The following PLXNA4 variants were observed in gnomAD, a reference collection of about 807,000 sequenced individuals.
PLXNA4 encodes the protein plexin A4.
In PLXNA4, 44 loss-of-function variants were observed where a neutral mutation model predicts 191.8. The observed-to-expected ratio is 0.23, with a 90% CI of 0.18 to 0.29. PLXNA4 has a LOEUF of 0.29. Ranked by LOEUF, PLXNA4 falls within the 10% of genes least tolerant of loss-of-function variation. The pLI is 1.00. For missense variants in PLXNA4, 1,800 were observed against 2,488.8 expected (o/e 0.72, Z 5.89); for synonymous variants, 1,082 against 1,009.5 (o/e 1.07, Z -1.36).
upstream of PLXNA4, chr7:132,576,536 T>C (rs1413023768): frequency 5.1e-6 from 5 of 985,842 alleles, no homozygotes; most frequent in African/African-American, 8.7e-5. This position sits in a 1 kb window ranked among gnomAD's most constrained non-coding sequence, Gnocchi z 5.8. Flanking sequence ...CGCGTGTGGC[T>C]GCCTCCTCCA....
chr7:132,268,462 C>T (rs1799936329), intron 4 of PLXNA4, among the ~76,000 whole-genome samples: 1 of 152,166 alleles, frequency 6.6e-6, no homozygotes, highest in African/African-American at 2.4e-5. Context: ...TCCAGTTTCA[C>T]CATGAGTTTG....
intron 9 of PLXNA4, among the ~76,000 whole-genome samples, chr7:132,211,344 T>C (rs1797794608): frequency 6.6e-6 from 1 of 152,210 alleles, no homozygotes; most frequent in Non-Finnish European, 1.5e-5. Context: ...CCTAGTGTCA[T>C]ATCTTGAGGT....
At chr7:132,164,534 C>T (rs1796042455) in intron 23 of PLXNA4, among the ~76,000 whole-genome samples, 1 of 152,178 alleles carries the variant, frequency 6.6e-6, no homozygotes, top group Admixed American at 6.5e-5. Flanking sequence ...CCTACTGCCG[C>T]CTCTCCAGGG....
Position 132,368,974 on chromosome 7 carries a change from C to CT in PLXNA4, c.1372-70753dup, listed in dbSNP as rs961948099. On this transcript the variant is annotated intron_variant, in intron 3 of 31. Coordinates refer to ENST00000321063, the MANE Select transcript of PLXNA4 (RefSeq NM_020911.2). ...CTGAAGGGGCTTCCCCTGCAGTCCTCTTTTCCATCCACCCTCCCCTAATTC... is the reference window on the plus strand; with the variant it reads ...CTGAAGGGGCTTCCCCTGCAGTCCTCTTTTTCCATCCACCCTCCCCTAATTC... Among the ~76,000 whole-genome samples, 35 of 152,338 alleles carry CT rather than the reference C, an allele frequency of 2.3e-4. 1 individual carries two copies. The highest frequency in any genetic ancestry group is 6.5e-4 in the African/African-American group (27 of 41,566).
At chr7:132,477,243 C>G (rs1383888468) in intron 3 of PLXNA4, among the ~76,000 whole-genome samples, 1 of 152,206 alleles carries the variant, frequency 6.6e-6, no homozygotes, top group Non-Finnish European at 1.5e-5. Context: ...TCTCCCACCT[C>G]CCTGCATACA....
chr7:132,286,581 CCCTGCTCTA>C (rs1421332950), intron 4 of PLXNA4, among the ~76,000 whole-genome samples: 1 of 152,134 alleles, frequency 6.6e-6, no homozygotes, highest in African/African-American at 2.4e-5. Context: ...CCTCACCCAC[CCCTGCTCTA>C]CCTCCACATC....
At chr7:132,181,998 G>T in intron 17 of PLXNA4, 99 bp downstream of exon 17, 1 of 1,574,588 alleles carries the variant, frequency 6.4e-7, no homozygotes, top group South Asian at 1.2e-5. Flanking sequence ...TCAGTGTATG[G>T]GCAGGGAGTT....
chr7:132,452,960 A>T (rs1269614737), intron 3 of PLXNA4, among the ~76,000 whole-genome samples: 1 of 152,090 alleles, frequency 6.6e-6, no homozygotes. Flanking sequence ...GAAGATGAGG[A>T]TGGCAGTGGC....
intron 13 of PLXNA4, among the ~76,000 whole-genome samples, chr7:132,198,228 C>T (rs922728406): frequency 6.6e-6 from 1 of 152,168 alleles, no homozygotes; most frequent in Non-Finnish European, 1.5e-5. Flanking sequence ...CGGCCTTATG[C>T]CCCAAGTAGG....
chr7:132,462,930 A>T lies in PLXNA4; in HGVS notation c.1371+26362T>A, dbSNP rs907495629. Among the ~76,000 whole-genome samples the T allele has an allele frequency of 3.4e-5, 5 of 146,600 alleles. No homozygotes were observed. The Admixed American group carries it at 3.5e-4, about 10-fold the overall frequency. The stretch of plus-strand genomic sequence containing the variant: ...AATGGTGCAATCTTGGCTCACTGCA[A>T]CCTCTGCCTGTCAGGTTCAAGTGAT... On this transcript the variant is annotated intron_variant, in intron 3 of 31. Transcript: ENST00000321063.
chr7:132,499,619 C>T (rs1468313254), intron 2 of PLXNA4, among the ~76,000 whole-genome samples: 2 of 152,134 alleles, frequency 1.3e-5, no homozygotes, highest in African/African-American at 4.8e-5. Context: ...TGAGAAATAC[C>T]ATGATGATTA....
chr7:132,302,925 G>T (rs1030848057), intron 3 of PLXNA4, among the ~76,000 whole-genome samples: 3 of 152,092 alleles, frequency 2.0e-5, no homozygotes, highest in Non-Finnish European at 2.9e-5. Flanking sequence ...TGCCCAGGCT[G>T]GAGTGCAATG....
intron 24 of PLXNA4, among the ~76,000 whole-genome samples, chr7:132,160,421 T>G (rs1042413617): frequency 2.0e-5 from 3 of 152,212 alleles, no homozygotes; most frequent in Admixed American, 6.5e-5. Flanking sequence ...TCTTTTTATT[T>G]TTTTTCCTTT....
chr7:132,600,105 T>C (rs755780214), intron 2 of PLXNA4, among the ~76,000 whole-genome samples: 2 of 152,238 alleles, frequency 1.3e-5, no homozygotes, highest in Non-Finnish European at 2.9e-5. Context: ...TTTGTACTTA[T>C]CATAAGTGAA....
intron 3 of PLXNA4, among the ~76,000 whole-genome samples, chr7:132,464,051 G>A (rs942919341): frequency 6.6e-6 from 1 of 152,204 alleles, no homozygotes. Flanking sequence ...GGAGTGGAGA[G>A]CTTACCTCTG....
At chr7:132,469,771 G>A (rs1796864216) in intron 3 of PLXNA4, among the ~76,000 whole-genome samples, 1 of 152,178 alleles carries the variant, frequency 6.6e-6, no homozygotes, top group Non-Finnish European at 1.5e-5. Flanking sequence ...ATCACATACT[G>A]CCTAAAATCA....
chr7:132,329,735 G>C (rs1802516046), intron 3 of PLXNA4, among the ~76,000 whole-genome samples: 1 of 152,168 alleles, frequency 6.6e-6, no homozygotes, highest in African/African-American at 2.4e-5. Context: ...GTCTCTGGGG[G>C]CCCTCAGGAA....
intron 3 of PLXNA4, among the ~76,000 whole-genome samples, chr7:132,337,174 A>G (rs1193738766): frequency 3.3e-5 from 5 of 152,274 alleles, no homozygotes; most frequent in Non-Finnish European, 5.9e-5. Context: ...CCAACATTCA[A>G]TAATTTCTCC....
intron 1 of PLXNA4, among the ~76,000 whole-genome samples, chr7:132,561,614 CTCCTCCTCCTCT>C (rs1801085421): frequency 1.7e-5 from 2 of 120,594 alleles, no homozygotes; most frequent in South Asian, 6.4e-4. Context: ...CCTTCTCTTC[CTCCTCCTCCTCT>C]TCCTCCTCCT....
Sources: gnomAD v4.1 joint callset for allele counts (sites outside exome capture counted in the v4.1 genomes callset) on GRCh38, gnomAD v4.1.1 for gene constraint, Gnocchi (gnomAD v3.1) non-coding constraint, MANE v1.5 for transcripts, NCBI Gene and HGNC (gene_info 2026-07-23, HGNC 2026-07-21) for gene names.